The following BAIAP2 variants were observed in gnomAD, a reference collection of about 807,000 sequenced individuals.
BAIAP2 encodes BAR/IMD domain-containing adapter protein 2.
In BAIAP2, 18 loss-of-function variants were observed where a neutral mutation model predicts 63.0. That is an observed-to-expected ratio of 0.29 (90% CI 0.20 to 0.42). BAIAP2 has a LOEUF of 0.42. BAIAP2 is among the 10% of genes least tolerant of loss of function. BAIAP2 has a pLI of 1.00. For missense variants in BAIAP2, 610 were observed against 734.3 expected (o/e 0.83, Z 1.96); for synonymous variants, 386 against 307.6 (o/e 1.25, Z -2.67).
intron 9 of BAIAP2, 84 bp from the exon 10 acceptor site, chr17:81,104,430 C>G (rs1048803752): frequency 3.2e-5 from 46 of 1,428,478 alleles, no homozygotes; most frequent in African/African-American, 4.3e-5. Context: ...GGCGGCTGTG[C>G]TCTCAGCACC....
In BAIAP2 at chr17:81,106,796, C is replaced by T. The variant is rs1376628745; in HGVS notation, c.1389C>T (p.Asp463=). Residue 463 remains aspartate, a synonymous_variant, in exon 12 of 14, where the codon GAC becomes GAT. Coordinates refer to ENST00000428708, the MANE Select transcript of BAIAP2 (RefSeq NM_001144888.2). ...CGGGCAACCTCCTGGACAAGGACGA[C>T]CTGGCCATCCCACCCCCCGATTACG... is the stretch of plus-strand genomic sequence containing the variant. ...SSTGNLLDKD[D]LAIPPPDYGA... 16 of 1,612,406 alleles carry T rather than the reference C, an allele frequency of 9.9e-6. No homozygotes were observed. The highest frequency in any genetic ancestry group is 1.1e-5 in the Non-Finnish European group (13 of 1,179,758).
intron 1 of BAIAP2, among the ~76,000 whole-genome samples, chr17:81,035,552 G>A (rs1315804973): frequency 1.8e-4 from 27 of 149,558 alleles, no homozygotes; most frequent in Admixed American, 1.7e-3. Context: ...GCCGCGGCCC[G>A]GTCAGTCCCC....
At chr17:81,061,159 T>A (rs768624179) in intron 3 of BAIAP2, among the ~76,000 whole-genome samples, 3 of 152,232 alleles carry the variant, frequency 2.0e-5, no homozygotes, top group Admixed American at 6.5e-5. Context: ...AGGATTCTTA[T>A]TACGGAAGAT....
chr17:81,097,933 C>T (rs1407827936), intron 6 of BAIAP2, among the ~76,000 whole-genome samples: 1 of 152,184 alleles, frequency 6.6e-6, no homozygotes, highest in Non-Finnish European at 1.5e-5. Context: ...AACCGGAGAG[C>T]CCTTGACATC....
Position 81,106,895 on chromosome 17 carries a change from C to T in BAIAP2, c.1488C>T (p.Pro496=), listed in dbSNP as rs754103687. 20 of 1,558,834 alleles carry T rather than the reference C, an allele frequency of 1.3e-5. No homozygotes were observed. The highest frequency in any genetic ancestry group is 9.2e-5 in the East Asian group (4 of 43,264). The change falls in exon 12 of 14, where the codon CCC becomes CCT. Residue 496 remains proline (P), a synonymous_variant. Coordinates refer to ENST00000428708, the MANE Select transcript of BAIAP2 (RefSeq NM_001144888.2). ...FKQRPYSVAV[P]AFSQGLDDYG... Reference sequence around the variant, plus strand: ...AGAGGCCCTACAGTGTGGCCGTGCCCGCCTTCTCCCAGGTCAGTGGGCGGG... The same window carrying T: ...AGAGGCCCTACAGTGTGGCCGTGCCTGCCTTCTCCCAGGTCAGTGGGCGGG...
At chr17:81,056,989 C>A (rs1405580010) in intron 2 of BAIAP2, among the ~76,000 whole-genome samples, 1 of 152,268 alleles carries the variant, frequency 6.6e-6, no homozygotes, top group Non-Finnish European at 1.5e-5. Context: ...CTTCATTCCT[C>A]TGTGGACGTG....
chr17:81,085,419 CTGTT>C (rs1208908423), intron 4 of BAIAP2: 2 of 667,604 alleles, frequency 3.0e-6, no homozygotes, highest in East Asian at 5.5e-5. Flanking sequence ...TCCCTTGTGG[CTGTT>C]TGGAGGCGAG....
chr17:81,106,233 G>A (rs117640301), intron 11 of BAIAP2, 87 bp downstream of exon 11: 15,389 of 1,391,538 alleles, frequency 0.011, 104 homozygotes, highest in South Asian at 0.02. Flanking sequence ...TGGATTGCTC[G>A]GCTGGGCTTC....
chr17:81,113,732 G>GT (rs1204610372), intron 13 of BAIAP2, among the ~76,000 whole-genome samples: 1 of 152,154 alleles, frequency 6.6e-6, no homozygotes, highest in Non-Finnish European at 1.5e-5. Context: ...TGGTCCCACT[G>GT]TTCTGGGAGA....
At chr17:81,088,462 G>A (rs114090709) in intron 6 of BAIAP2, among the ~76,000 whole-genome samples, 6,587 of 152,294 alleles carry the variant, frequency 0.043, 504 homozygotes, top group African/African-American at 0.15. Context: ...GTTTGCAGCT[G>A]TGTGTCCATC....
rs1448305837 is a variant in BAIAP2, at chr17:81,043,016, C to G, written c.54+7708C>G. Among the ~76,000 whole-genome samples, 3 of 152,048 alleles carry G rather than the reference C, an allele frequency of 2.0e-5. No homozygotes were observed. The South Asian group carries it at 6.2e-4, about 32-fold the overall frequency. On this transcript the variant is annotated intron_variant, in intron 1 of 13. Transcript: ENST00000428708. ...CCAAGAAGCTGGGATTACAGGTGTG[C>G]GCCACCACACTGGCTAATTTTAGTA... is the stretch of plus-strand genomic sequence containing the variant.
intron 10 of BAIAP2, 24 bp downstream of exon 10, chr17:81,104,739 T>G: frequency 6.5e-7 from 1 of 1,541,574 alleles, no homozygotes; most frequent in Non-Finnish European, 8.8e-7. Flanking sequence ...GGGGGCGGGC[T>G]CCAGGCAGCC....
chr17:81,111,280 A>G (rs528573565), intron 13 of BAIAP2, among the ~76,000 whole-genome samples: 97 of 152,286 alleles, frequency 6.4e-4, no homozygotes, highest in Non-Finnish European at 1.2e-3. Flanking sequence ...AATTATAGTC[A>G]AAGGGTGACC....
At chr17:81,101,916 A>G (rs2058541703) in intron 7 of BAIAP2, among the ~76,000 whole-genome samples, 1 of 152,244 alleles carries the variant, frequency 6.6e-6, no homozygotes, top group Non-Finnish European at 1.5e-5. Context: ...GACCCAGGAC[A>G]GTGGCGGGCG....
chr17:81,100,170 A>G (rs982619316), intron 7 of BAIAP2, 90 bp downstream of exon 7: 5 of 1,428,370 alleles, frequency 3.5e-6, no homozygotes, highest in Non-Finnish European at 4.6e-6. Context: ...CCCCGTGAAC[A>G]CACCGGGGCA....
At chr17:81,102,662 T>G (rs1007466657) in intron 7 of BAIAP2, among the ~76,000 whole-genome samples, 1 of 152,182 alleles carries the variant, frequency 6.6e-6, no homozygotes, top group Admixed American at 6.5e-5. Context: ...TCAGAATGGC[T>G]GTCGTCCAAC....
intron 9 of BAIAP2, 47 bp downstream of exon 9, chr17:81,104,155 C>A: frequency 6.3e-7 from 1 of 1,596,760 alleles, no homozygotes. Flanking sequence ...GGACGTGCCT[C>A]CTCAGACCCT....
At chr17:81,050,434 G>A (rs1031401279) in intron 1 of BAIAP2, among the ~76,000 whole-genome samples, 3 of 152,192 alleles carry the variant, frequency 2.0e-5, no homozygotes, top group South Asian at 2.1e-4. Flanking sequence ...GTGCTGCCCC[G>A]TGCGTCATGC....
intron 3 of BAIAP2, among the ~76,000 whole-genome samples, chr17:81,077,213 G>C (rs550612056): frequency 6.6e-6 from 1 of 152,168 alleles, no homozygotes; most frequent in African/African-American, 2.4e-5. Context: ...TAGCTCAACT[G>C]GTGAGCGCAT....
Sources: allele counts gnomAD v4.1 joint callset (sites outside exome capture counted in the v4.1 genomes callset), GRCh38; gene constraint gnomAD v4.1.1; transcripts MANE v1.5; gene names NCBI Gene and HGNC (gene_info 2026-07-23, HGNC 2026-07-21).